SVOPL: variants seen among roughly 807,000 people sequenced by gnomAD.
SVOPL encodes the protein putative transporter SVOPL.
SVOPL carries 60 observed loss-of-function variants against 61.0 expected under a neutral mutation model. That is an observed-to-expected ratio of 0.98 (90% CI 0.80 to 1.22). SVOPL has a LOEUF of 1.22. Among genes scored for constraint, SVOPL ranks in the 50% most tolerant of loss-of-function variants. The pLI is 0.00. For synonymous variants in SVOPL, 279 were observed against 250.0 expected, an observed-to-expected ratio of 1.12 and a Z score of -1.09; for missense variants, 662 against 643.9, an observed-to-expected ratio of 1.03 and a Z score of -0.30.
Position 138,622,238 on chromosome 7 carries a change from C to CTATGTATCTATG in SVOPL, c.1264-1104_1264-1103insCATAGATACATA, listed in dbSNP as rs1563096700. Among the ~76,000 whole-genome samples the CTATGTATCTATG allele has an allele frequency of 6.8e-5, 4 of 58,544 alleles. 1 individual carries two copies. Among genetic ancestry groups the CTATGTATCTATG allele is most frequent in the African/African-American group, 2.4e-4 (4 of 16,348 alleles). 38.4% of individuals were successfully genotyped at this position (58,544 alleles called of 152,430 possible). A position where few individuals can be genotyped will look rare whatever the true frequency, so the allele number is the denominator to read the frequency against. On this transcript the variant is annotated intron_variant, in intron 13 of 15. Transcript: ENST00000674285. ...TCTATCTATGTATCTATCTATGTAT[C>CTATGTATCTATG]TATCTATCTATCTATGTATCTATCT...
chr7:138,630,325 G>A (rs1277041402), intron 9 of SVOPL, among the ~76,000 whole-genome samples: 1 of 152,098 alleles, frequency 6.6e-6, no homozygotes, highest in Non-Finnish European at 1.5e-5. Flanking sequence ...CTGTCTTTTG[G>A]CTTTTTCTCA....
chr7:138,610,666 C>G (rs1563086752), intron 14 of SVOPL, among the ~76,000 whole-genome samples: 1 of 152,198 alleles, frequency 6.6e-6, no homozygotes, highest in Non-Finnish European at 1.5e-5. Flanking sequence ...CCTATGAGCC[C>G]TCTTCTCCAC....
At chr7:138,624,339 T>C (rs1659813) in intron 13 of SVOPL, among the ~76,000 whole-genome samples, 106,920 of 152,152 alleles carry the variant, frequency 0.7, 39,147 homozygotes, top group African/African-American at 0.91. Context: ...ACTGATGAAG[T>C]CTTCAAAATT....
At chr7:138,683,206 A>G (rs991763881) in intron 1 of SVOPL, among the ~76,000 whole-genome samples, 2 of 152,150 alleles carry the variant, frequency 1.3e-5, no homozygotes, top group African/African-American at 2.4e-5. Context: ...TTATTTTAAA[A>G]TAAATAATAG....
At chr7:138,607,131 T>C (rs1445284864) in intron 14 of SVOPL, among the ~76,000 whole-genome samples, 1 of 151,662 alleles carries the variant, frequency 6.6e-6, no homozygotes, top group Non-Finnish European at 1.5e-5. Flanking sequence ...TGGGGAGAGA[T>C]GTCAGGAGTT....
intron 2 of SVOPL, 131 bp downstream of exon 2, chr7:138,678,833 G>A (rs988818162): frequency 1.9e-5 from 18 of 932,124 alleles, no homozygotes; most frequent in Admixed American, 2.7e-5. Flanking sequence ...GCCTCCCAAA[G>A]TGATGGGATT....
chr7:138,661,587 G>A (rs774692562), intron 5 of SVOPL: 29 of 985,188 alleles, frequency 2.9e-5, no homozygotes, highest in Non-Finnish European at 8.4e-6. Context: ...GTTACCGCAA[G>A]TTGCACAATG....
At chr7:138,619,083 C>A (rs1476077557) in intron 14 of SVOPL, among the ~76,000 whole-genome samples, 2 of 152,124 alleles carry the variant, frequency 1.3e-5, no homozygotes, top group Admixed American at 6.5e-5. Flanking sequence ...ATGAACTAAG[C>A]CTCAGTTCAG....
rs944434557 is a variant in SVOPL, at chr7:138,618,661, AGAGAGCACGCAAGAGTGAGAGAGAAT to A, written c.1353+2359_1353+2384del. ...GGGTGACAGAGCGAGACAGAGAGAG[AGAGAGCACGCAAGAGTGAGAGAGAAT>A]GAGAGCACGCGTGCACACGCGCGAG... On this transcript the variant is annotated intron_variant, in intron 14 of 15. Transcript: ENST00000674285. Among the ~76,000 whole-genome samples, 16 of 152,000 alleles carry A rather than the reference AGAGAGCACGCAAGAGTGAGAGAGAAT, an allele frequency of 1.1e-4. No homozygotes were observed. The East Asian group carries it at 1.7e-3, about 17-fold the overall frequency.
At chr7:138,628,403 C>G in intron 10 of SVOPL, 40 bp from the exon 11 acceptor site, 1 of 1,599,702 alleles carries the variant, frequency 6.3e-7, no homozygotes, top group Non-Finnish European at 8.5e-7. Context: ...AACGCTGACA[C>G]CAGACCTGAA....
intron 5 of SVOPL, chr7:138,660,497 G>GA: frequency 5.1e-6 from 5 of 985,916 alleles, no homozygotes; most frequent in Non-Finnish European, 6.0e-6. Flanking sequence ...CTGTTTATGA[G>GA]AGAAAACGAA....
chr7:138,657,825 TCTC>T (rs1163011023), intron 6 of SVOPL, among the ~76,000 whole-genome samples: 1 of 152,044 alleles, frequency 6.6e-6, no homozygotes, highest in Admixed American at 6.6e-5. Context: ...TTAAGAATAA[TCTC>T]CTCCAAGGCA....
At chr7:138,612,447 T>TAAAAAAA (rs59229265) in intron 14 of SVOPL, among the ~76,000 whole-genome samples, 13 of 22,294 alleles carry the variant, frequency 5.8e-4, no homozygotes, top group African/African-American at 8.0e-4. Context: ...AAAAAAAAAA[T>TAAAAAAA]AAAAAAAAAA....
chr7:138,634,266 G>A lies in SVOPL; in HGVS notation c.790-4144C>T, dbSNP rs565366426. Among the ~76,000 whole-genome samples the A allele has an allele frequency of 3.3e-5, 5 of 152,282 alleles. No homozygotes were observed. The South Asian group carries it at 8.3e-4, about 25-fold the overall frequency. On this transcript the variant is annotated intron_variant, in intron 9 of 15. Transcript: ENST00000674285. Reference sequence around the variant, plus strand: ...ACACACCTATTATCCCAGCACTTTAGGAGGCAGAGATGAGAGGACTGCTTG... The same window carrying A: ...ACACACCTATTATCCCAGCACTTTAAGAGGCAGAGATGAGAGGACTGCTTG...
chr7:138,601,236 A>G lies in SVOPL; in HGVS notation c.1354-4706T>C, dbSNP rs1798506944. On this transcript the variant is annotated intron_variant, in intron 14 of 15. Transcript: ENST00000674285. ...CACTGCACTCTAGCCTGGGCGACAG[A>G]GCGAGATTCCATCTCAAAAAAAAAA... is the stretch of plus-strand genomic sequence containing the variant. 2.8e-5 allele frequency among the ~76,000 whole-genome samples: 4 copies of G among 140,576 alleles called. No individual in the cohort carries two copies. The Middle Eastern group carries it at 0.011, about 390-fold the overall frequency. 92.2% of individuals were successfully genotyped at this position (140,576 alleles called of 152,430 possible).
At chr7:138,669,949 A>G (rs1563132085) in intron 4 of SVOPL, among the ~76,000 whole-genome samples, 5 of 152,114 alleles carry the variant, frequency 3.3e-5, no homozygotes, top group Admixed American at 1.3e-4. Flanking sequence ...TCAATACCCA[A>G]GTAAATCAAC....
intron 1 of SVOPL, among the ~76,000 whole-genome samples, chr7:138,687,228 CTTTTTTTTTT>C (rs71179722): frequency 7.8e-5 from 6 of 77,024 alleles, no homozygotes; most frequent in African/African-American, 3.4e-4. Context: ...CTTTTTTCCT[CTTTTTTTTTT>C]TTTTTTTTTT....
chr7:138,634,995 G>A lies in SVOPL; in HGVS notation c.790-4873C>T, dbSNP rs541442892. ...TTTAAAAGGTTAATATGGGCCGGGC[G>A]CAGTGGCTCATGCCTGTAATCCCAG... On this transcript the variant is annotated intron_variant, in intron 9 of 15. Coordinates refer to ENST00000674285, the MANE Select transcript of SVOPL (RefSeq NM_001139456.2). 1.1e-3 allele frequency among the ~76,000 whole-genome samples: 165 copies of A among 152,040 alleles called. 2 individuals carry two copies. Among genetic ancestry groups the A allele is most frequent in the African/African-American group, 3.7e-3 (154 of 41,488 alleles).
intron 1 of SVOPL, among the ~76,000 whole-genome samples, chr7:138,682,672 A>G (rs903040814): frequency 1.3e-5 from 2 of 152,168 alleles, no homozygotes; most frequent in Non-Finnish European, 2.9e-5. Flanking sequence ...AAATTTAAAA[A>G]TAAAACAAGT....
Sources: gnomAD v4.1 joint callset for allele counts (sites outside exome capture counted in the v4.1 genomes callset) on GRCh38, gnomAD v4.1.1 for gene constraint, MANE v1.5 for transcripts, NCBI Gene and HGNC (gene_info 2026-07-23, HGNC 2026-07-21) for gene names.